Variants in FBLIM1 observed in about 807,000 individuals in gnomAD.
FBLIM1 encodes filamin-binding LIM protein 1.
In FBLIM1, 29 loss-of-function variants were observed where a neutral mutation model predicts 37.4. The observed-to-expected ratio is 0.77, with a 90% CI of 0.58 to 1.06. The LOEUF is 1.06. Among genes scored for constraint, FBLIM1 ranks in the 50% least tolerant of loss-of-function variants. The probability of loss-of-function intolerance (pLI) is 0.00; values close to 1 mark genes in which losing one functional copy is unlikely to be tolerated. For missense variants in FBLIM1, 449 were observed against 505.6 expected, an observed-to-expected ratio of 0.89 and a Z score of 1.07; for synonymous variants, 193 against 199.0, an observed-to-expected ratio of 0.97 and a Z score of 0.25.
At chr1:15,770,605 G>C in intron 6 of FBLIM1, 27 bp downstream of exon 6, 1 of 1,609,940 alleles carries the variant, frequency 6.2e-7, no homozygotes, top group Non-Finnish European at 8.5e-7. Flanking sequence ...ACCTCTGGGT[G>C]CCAGGCAGTG....
intron 8 of FBLIM1, among the ~76,000 whole-genome samples, chr1:15,782,323 G>A (rs1330056406): frequency 2.0e-5 from 3 of 151,454 alleles, no homozygotes; most frequent in Non-Finnish European, 4.4e-5. Context: ...CAGGAGGATT[G>A]CTTGAGCCTG....
At chr1:15,757,176 G>A (rs753596513), upstream of FBLIM1, among the ~76,000 whole-genome samples, 2 of 152,140 alleles carry the variant, frequency 1.3e-5, no homozygotes, top group Non-Finnish European at 2.9e-5. This position sits in a 1 kb window ranked among gnomAD's most constrained non-coding sequence, Gnocchi z 4.1. Context: ...TCCCAGCCTC[G>A]CCCTGCTGCA....
intron 5 of FBLIM1, among the ~76,000 whole-genome samples, chr1:15,769,491 AT>A (rs1328525692): frequency 2.0e-5 from 3 of 151,376 alleles, no homozygotes; most frequent in Admixed American, 6.6e-5. Flanking sequence ...AAATAAAAAA[AT>A]AAAATAAAAT....
chr1:15,765,311 C>G lies in FBLIM1; in HGVS notation c.250+78C>G. ...GGAAAGGGCAGGCTCCAGCGTCATT[C>G]ATTCATTCATTATTCATCCTGACAA... On this transcript the variant is annotated intron_variant, in intron 3 of 8. Coordinates refer to ENST00000375766, the MANE Select transcript of FBLIM1 (RefSeq NM_017556.4). The surrounding 1 kb of genome is among the most constrained non-coding windows in gnomAD (Gnocchi z 5.9). 1 of 1,493,430 alleles carries G rather than the reference C, an allele frequency of 6.7e-7. No homozygotes were observed. The highest frequency in any genetic ancestry group is 9.0e-7 in the Non-Finnish European group (1 of 1,114,764). 92.5% of individuals were successfully genotyped at this position (1,493,430 alleles called of 1,614,324 possible).
chr1:15,778,381 A>G (rs912274729), intron 8 of FBLIM1, among the ~76,000 whole-genome samples: 1 of 152,162 alleles, frequency 6.6e-6, no homozygotes, highest in Admixed American at 6.6e-5. Flanking sequence ...CCTGGGCAAC[A>G]TGGTGAAACC....
At chr1:15,774,542 C>G (rs2069394163) in intron 6 of FBLIM1, 76 bp from the exon 7 acceptor site, 1 of 1,528,420 alleles carries the variant, frequency 6.5e-7, no homozygotes, top group Non-Finnish European at 8.8e-7. Flanking sequence ...CTGAGGGCAG[C>G]CTCTCAGAAG....
At chr1:15,779,582 T>G (rs754533846) in intron 8 of FBLIM1, among the ~76,000 whole-genome samples, 21 of 151,516 alleles carry the variant, frequency 1.4e-4, no homozygotes, top group Non-Finnish European at 3.1e-4. Context: ...GGATTACAGG[T>G]GTGAGCCACT....
At position 15,765,367 on chromosome 1, in the gene FBLIM1, G is replaced by A; in HGVS notation, c.250+134G>A. ...ACACATCAACGGGAAACAAAAAGAT[G>A]TGCCCCTTCTGGGTGGGCAAGGGAG... On this transcript the variant is annotated intron_variant, in intron 3 of 8. Coordinates refer to ENST00000375766, the MANE Select transcript of FBLIM1 (RefSeq NM_017556.4). This position sits in a 1 kb window ranked among gnomAD's most constrained non-coding sequence, Gnocchi z 5.9. 1.5e-6 allele frequency: 2 copies of A among 1,309,154 alleles called. No homozygotes were observed. The highest frequency in any genetic ancestry group is 2.3e-4 in the Middle Eastern group (1 of 4,396). 81.1% of individuals were successfully genotyped at this position (1,309,154 alleles called of 1,614,324 possible).
chr1:15,770,585 C>G lies in FBLIM1; in HGVS notation c.711+7C>G. 2 of 1,612,870 alleles carry G rather than the reference C, an allele frequency of 1.2e-6. No individual in the cohort carries two copies. Among genetic ancestry groups the G allele is most frequent in the Non-Finnish European group, 1.7e-6 (2 of 1,179,298 alleles). ...CTGCGAACCCTGCTACCAGGTAACCCCTGCAGCAGACCTCTGGGTGCCAGG... is the reference window on the plus strand; with the variant it reads ...CTGCGAACCCTGCTACCAGGTAACCGCTGCAGCAGACCTCTGGGTGCCAGG... On this transcript the variant is annotated splice_region_variant and intron_variant, in intron 6 of 8. Transcript: ENST00000375766.
Position 15,776,481 on chromosome 1 carries a change from A to T in FBLIM1, c.891-689A>T, listed in dbSNP as rs897680519. On this transcript the variant is annotated intron_variant, in intron 7 of 8. Transcript: ENST00000375766. ...GTCTGCCCTTGGAGCTGAATGATGC[A>T]GTGGGGACACACAGATAACCGCTGG... is the stretch of plus-strand genomic sequence containing the variant. 3.9e-5 allele frequency among the ~76,000 whole-genome samples: 6 copies of T among 152,156 alleles called. No homozygotes were observed. The South Asian group carries it at 6.2e-4, about 16-fold the overall frequency.
chr1:15,783,860 G>A (rs1306356418), intron 8 of FBLIM1, among the ~76,000 whole-genome samples: 1 of 152,074 alleles, frequency 6.6e-6, no homozygotes, highest in Non-Finnish European at 1.5e-5. Context: ...GGGATTATAG[G>A]CGTGAACCAC....
Position 15,770,625 on chromosome 1 carries a change from C to T in FBLIM1, c.711+47C>T. 3.1e-6 allele frequency: 5 copies of T among 1,597,436 alleles called. No individual in the cohort carries two copies. The South Asian group carries it at 5.6e-5, about 18-fold the overall frequency. ...TGGGTGCCAGGCAGTGAGCTGAGCA[C>T]TTAGAATATGTTGCACCATTTCATT... On this transcript the variant is annotated intron_variant, in intron 6 of 8. Transcript: ENST00000375766.
At position 15,765,357 on chromosome 1, in the gene FBLIM1, A is replaced by G; in HGVS notation, c.250+124A>G. ...GACAAAATTCACACATCAACGGGAA[A>G]CAAAAAGATGTGCCCCTTCTGGGTG... is the stretch of plus-strand genomic sequence containing the variant. On this transcript the variant is annotated intron_variant, in intron 3 of 8. Coordinates refer to ENST00000375766, the MANE Select transcript of FBLIM1 (RefSeq NM_017556.4). The surrounding 1 kb of genome is among the most constrained non-coding windows in gnomAD (Gnocchi z 5.9). 7.4e-7 allele frequency: 1 copy of G among 1,360,010 alleles called. No homozygotes were observed. The highest frequency in any genetic ancestry group is 9.9e-7 in the Non-Finnish European group (1 of 1,014,008). 84.2% of individuals were successfully genotyped at this position (1,360,010 alleles called of 1,614,324 possible).
At chr1:15,781,961 G>A (rs2069655578) in intron 8 of FBLIM1, among the ~76,000 whole-genome samples, 1 of 151,770 alleles carries the variant, frequency 6.6e-6, no homozygotes, top group South Asian at 2.1e-4. Context: ...CTCGTGATCC[G>A]CCCACCTCAG....
chr1:15,777,271 A>C lies in FBLIM1; in HGVS notation c.992A>C (p.Asn331Thr). ...TGCATGGGAAGAAACTTCCATGAAA[A>C]TTGCTACAGGTGTGAGGTGAGTGGA... is the stretch of plus-strand genomic sequence containing the variant. ...IECMGRNFHE[N>T]CYRCEDCRIL... The change falls in exon 8 of 9, where the codon AAT becomes ACT. Residue 331 changes from asparagine to threonine, a missense_variant. Coordinates refer to ENST00000375766, the MANE Select transcript of FBLIM1 (RefSeq NM_017556.4). 17 of 1,613,050 alleles carry C rather than the reference A, an allele frequency of 1.1e-5. No homozygotes were observed. The highest frequency in any genetic ancestry group is 1.3e-5 in the Non-Finnish European group (15 of 1,179,102).
At chr1:15,784,357 G>A (rs562238163) in intron 8 of FBLIM1, among the ~76,000 whole-genome samples, 191 bp from the exon 9 acceptor site, 2 of 152,176 alleles carry the variant, frequency 1.3e-5, no homozygotes, top group African/African-American at 4.8e-5. Context: ...ATGTGTGTCT[G>A]TGTCTCATCT....
At chr1:15,783,914 G>A (rs992794385) in intron 8 of FBLIM1, among the ~76,000 whole-genome samples, 1 of 152,168 alleles carries the variant, frequency 6.6e-6, no homozygotes, top group Non-Finnish European at 1.5e-5. Context: ...TATTGAAGCC[G>A]GGCGCACTGG....
Position 15,764,915 on chromosome 1 carries a change from G to T in FBLIM1, c.-20-49G>T, listed in dbSNP as rs201006671. 2.6e-3 allele frequency: 4,008 copies of T among 1,533,576 alleles called. 20 individuals carry two copies. The highest frequency in any genetic ancestry group is 0.016 in the Middle Eastern group (69 of 4,446). The allele number at this position is 1,533,576 out of a possible 1,614,324, so 95.0% of individuals were successfully genotyped here. ...GGCTCTCTCCTCTCGGGGGAGGGTG[G>T]CTGTGTGTCTGGGTGGCAATCCTGT... On this transcript the variant is annotated intron_variant, in intron 2 of 8. Transcript: ENST00000375766.
chr1:15,772,394 G>A (rs1377876564), intron 6 of FBLIM1, among the ~76,000 whole-genome samples: 1 of 152,160 alleles, frequency 6.6e-6, no homozygotes, highest in Non-Finnish European at 1.5e-5. Flanking sequence ...TGTCCAGCTG[G>A]AAGCAGGAAG....
Sources: allele counts gnomAD v4.1 joint callset (sites outside exome capture counted in the v4.1 genomes callset), GRCh38; gene constraint gnomAD v4.1.1; non-coding constraint Gnocchi (gnomAD v3.1); transcripts MANE v1.5; gene names NCBI Gene and HGNC (gene_info 2026-07-23, HGNC 2026-07-21).